ARID4B: variants seen among roughly 807,000 people sequenced by gnomAD.
ARID4B encodes the protein AT-rich interaction domain 4B, also known as AT-rich interactive domain-containing protein 4B.
A neutral mutation model predicts 147.5 loss-of-function variants in ARID4B; 26 were observed. The ratio of observed to expected loss-of-function variants is 0.18; its 90% CI spans 0.13 to 0.24. The LOEUF (loss-of-function observed/expected upper bound fraction) is 0.24, where lower values mean the gene tolerates loss of function less well. Ranked by LOEUF, ARID4B falls within the 10% of genes least tolerant of loss-of-function variation. ARID4B has a pLI of 1.00. For synonymous variants in ARID4B, 512 were observed against 507.9 expected (o/e 1.01, Z -0.11); for missense variants, 1,179 against 1,511.5 (o/e 0.78, Z 3.65).
At chr1:235,221,886 A>ATTT (rs768600040) in intron 13 of ARID4B, among the ~76,000 whole-genome samples, 1,658 of 53,464 alleles carry the variant, frequency 0.031, 196 homozygotes, top group East Asian at 0.084. Context: ...TCATTTGACT[A>ATTT]TTTTTTTTTT....
intron 17 of ARID4B, among the ~76,000 whole-genome samples, chr1:235,199,387 C>T (rs1177900855): frequency 1.3e-5 from 2 of 152,028 alleles, no homozygotes; most frequent in Non-Finnish European, 2.9e-5. Context: ...GCCAATTATG[C>T]TCTTTGTATA....
intron 2 of ARID4B, among the ~76,000 whole-genome samples, chr1:235,270,379 C>G (rs983747589): frequency 3.3e-5 from 5 of 152,166 alleles, no homozygotes; most frequent in East Asian, 1.9e-4. Context: ...ATTCTTCTTA[C>G]AATTTTTTAA....
chr1:235,244,698 G>A (rs1669192008), intron 7 of ARID4B, among the ~76,000 whole-genome samples: 1 of 152,104 alleles, frequency 6.6e-6, no homozygotes, highest in Non-Finnish European at 1.5e-5. Flanking sequence ...GAAGTCCTGG[G>A]AATCCTAAGA....
intron 2 of ARID4B, among the ~76,000 whole-genome samples, chr1:235,277,622 G>C (rs1263788943): frequency 1.8e-4 from 24 of 135,490 alleles, no homozygotes; most frequent in African/African-American, 6.5e-4. Context: ...GTGTGTGTGT[G>C]TGTGTGTGTG....
intron 2 of ARID4B, among the ~76,000 whole-genome samples, chr1:235,284,339 G>A (rs1030500775): frequency 2.6e-5 from 4 of 152,142 alleles, no homozygotes; most frequent in Admixed American, 2.0e-4. Flanking sequence ...CAGCCTCAGC[G>A]ACAGAGCGAG....
intron 2 of ARID4B, among the ~76,000 whole-genome samples, chr1:235,306,331 G>A (rs1289642299): frequency 6.6e-6 from 1 of 151,846 alleles, no homozygotes; most frequent in Non-Finnish European, 1.5e-5. Context: ...GTGAAACCCC[G>A]TCTCTACTAA....
intron 9 of ARID4B, among the ~76,000 whole-genome samples, chr1:235,233,731 T>C (rs1378904439): frequency 6.6e-6 from 1 of 152,178 alleles, no homozygotes; most frequent in Non-Finnish European, 1.5e-5. Flanking sequence ...CTAGTAGAAG[T>C]ATTGGAAATT....
intron 2 of ARID4B, among the ~76,000 whole-genome samples, chr1:235,306,291 C>T (rs1673554223): frequency 6.6e-6 from 1 of 152,084 alleles, no homozygotes; most frequent in Non-Finnish European, 1.5e-5. Flanking sequence ...ATCACAAGGT[C>T]AGAAGATCGA....
intron 3 of ARID4B, among the ~76,000 whole-genome samples, chr1:235,258,835 G>A (rs546185643): frequency 6.6e-6 from 1 of 152,326 alleles, no homozygotes; most frequent in African/African-American, 2.4e-5. Context: ...GCTACTTACA[G>A]ATGGAGACTA....
At chr1:235,313,856 T>C (rs1674250549) in intron 2 of ARID4B, among the ~76,000 whole-genome samples, 1 of 152,206 alleles carries the variant, frequency 6.6e-6, no homozygotes, top group Non-Finnish European at 1.5e-5. Context: ...CTACTAAACA[T>C]TCTGTTTTTA....
intron 2 of ARID4B, among the ~76,000 whole-genome samples, chr1:235,308,709 G>A (rs1453951991): frequency 1.3e-5 from 2 of 152,132 alleles, no homozygotes; most frequent in Non-Finnish European, 2.9e-5. Flanking sequence ...GCTCCTAACC[G>A]CGAGTGATCC....
intron 2 of ARID4B, among the ~76,000 whole-genome samples, chr1:235,267,964 G>A (rs1670725414): frequency 6.6e-6 from 1 of 152,118 alleles, no homozygotes; most frequent in Non-Finnish European, 1.5e-5. Flanking sequence ...ATTCTCTGGG[G>A]CCATTTCTTC....
Position 235,172,974 on chromosome 1 carries a change from G to A in ARID4B, c.3665-210C>T, listed in dbSNP as rs544571039. On this transcript the variant is annotated intron_variant, in intron 22 of 23. Transcript: ENST00000264183. ...TGCACAGTATTTGTTGAATGAATAT[G>A]TACAGCATTAAACACCTTAAGATCT... Among the ~76,000 whole-genome samples, 147 of 152,222 alleles carry A rather than the reference G, an allele frequency of 9.7e-4. 2 individuals carry two copies. The highest frequency in any genetic ancestry group is 3.3e-3 in the African/African-American group (135 of 41,536).
intron 2 of ARID4B, among the ~76,000 whole-genome samples, chr1:235,301,037 TC>T (rs1219405398): frequency 2.1e-5 from 3 of 140,640 alleles, no homozygotes; most frequent in East Asian, 2.0e-4. Context: ...TTTTAAGTAT[TC>T]TTTTTTTTTT....
chr1:235,301,534 C>CT lies in ARID4B; in HGVS notation c.6+25379dup, dbSNP rs567369149. On this transcript the variant is annotated intron_variant, in intron 2 of 23. Transcript: ENST00000264183. ...AGCCGGTGAGAGTGAGACCCTATTT[C>CT]TTTTTTTTTTTTTTTTTTTTCTCCT... Among the ~76,000 whole-genome samples the CT allele has an allele frequency of 4.2e-3, 418 of 99,824 alleles. 3 individuals are homozygous for CT. The highest frequency in any genetic ancestry group is 5.0e-3 in the Non-Finnish European group (258 of 51,502). The allele number at this position is 99,824 out of a possible 152,430, so 65.5% of individuals were successfully genotyped here.
chr1:235,309,604 C>T (rs1446538657), intron 2 of ARID4B, among the ~76,000 whole-genome samples: 1 of 151,348 alleles, frequency 6.6e-6, no homozygotes, highest in East Asian at 2.0e-4. Context: ...TGAGGGGCGC[C>T]TCTGCCCGGC....
At chr1:235,236,738 C>T (rs1668584130) in intron 8 of ARID4B, among the ~76,000 whole-genome samples, 2 of 148,010 alleles carry the variant, frequency 1.4e-5, no homozygotes, top group African/African-American at 5.0e-5. Context: ...GTCTTGAACT[C>T]CTGACCTCAA....
intron 17 of ARID4B, among the ~76,000 whole-genome samples, chr1:235,212,678 A>G (rs879754424): frequency 1.3e-5 from 2 of 152,210 alleles, no homozygotes; most frequent in Non-Finnish European, 2.9e-5. Flanking sequence ...CTATGAGTAC[A>G]TTTATATGTA....
At chr1:235,262,644 T>C (rs12748629) in intron 2 of ARID4B, among the ~76,000 whole-genome samples, 43,117 of 151,916 alleles carry the variant, frequency 0.28, 7,452 homozygotes, top group South Asian at 0.53. Flanking sequence ...TAAGCAATAA[T>C]ATGAAAAGGG....
Sources: allele counts gnomAD v4.1 joint callset (sites outside exome capture counted in the v4.1 genomes callset), GRCh38; gene constraint gnomAD v4.1.1; transcripts MANE v1.5; gene names NCBI Gene and HGNC (gene_info 2026-07-23, HGNC 2026-07-21).